TFEB: variants seen among roughly 807,000 people sequenced by gnomAD.
TFEB encodes T-cell transcription factor EB.
Under a neutral mutation model 48.0 loss-of-function variants are expected in TFEB, and 12 were observed. That is an observed-to-expected ratio of 0.25 (90% CI 0.16 to 0.40). The LOEUF (loss-of-function observed/expected upper bound fraction) is 0.40, where lower values mean the gene tolerates loss of function less well. Among genes scored for constraint, TFEB ranks in the 10% least tolerant of loss-of-function variants. The pLI, the probability that TFEB is intolerant of heterozygous loss-of-function variation, is 1.00. For missense variants in TFEB, 509 were observed against 640.3 expected, an observed-to-expected ratio of 0.79 and a Z score of 2.21; for synonymous variants, 244 against 261.4, an observed-to-expected ratio of 0.93 and a Z score of 0.64.
rs1769305966 is a variant in TFEB at position 41,691,348 on chromosome 6, C to T, written c.-22-113G>A. On this transcript the variant is annotated intron_variant, in intron 1 of 8. Transcript: ENST00000373033. The surrounding 1 kb of genome is among the most constrained non-coding windows in gnomAD (Gnocchi z 5.2). ...ACCGCATCCATTTTAGAGGAGAAGA[C>T]ACCGAGCCCTGAGAGGGGAAGAGAT... 6 of 1,096,846 alleles carry T rather than the reference C, an allele frequency of 5.5e-6. No homozygotes were observed. The highest frequency in any genetic ancestry group is 2.0e-5 in the Admixed American group (1 of 50,420). The allele number at this position is 1,096,846 out of a possible 1,614,324, so 67.9% of individuals were successfully genotyped here. A position where few individuals can be genotyped will look rare whatever the true frequency, so the allele number is the denominator to read the frequency against.
At chr6:41,688,279 A>G (rs1484443259) in intron 4 of TFEB, 2 of 457,268 alleles carry the variant, frequency 4.4e-6, no homozygotes, top group Non-Finnish European at 7.8e-6. Flanking sequence ...ATAATATGTG[A>G]TAGGATTAGG....
At chr6:41,707,936 A>G (rs1770312239) in intron 1 of TFEB, among the ~76,000 whole-genome samples, 1 of 152,208 alleles carries the variant, frequency 6.6e-6, no homozygotes. Context: ...AAAAACCACT[A>G]CAATCACAGC....
chr6:41,736,095 G>C, upstream of TFEB: 1 of 1,611,614 alleles, frequency 6.2e-7, no homozygotes, highest in Non-Finnish European at 8.5e-7. Context: ...AAATATGACA[G>C]TAGAAGGCAG....
At chr6:41,686,357 CTGGAGG>C in intron 7 of TFEB, 120 bp from the exon 8 acceptor site, 1 of 1,359,064 alleles carries the variant, frequency 7.4e-7, no homozygotes, top group South Asian at 1.4e-5. Flanking sequence ...AACCCCAGAC[CTGGAGG>C]TGGAGGTGGC....
In TFEB at chr6:41,691,294, G is replaced by A. The variant is rs1769301632; in HGVS notation, c.-22-59C>T. On this transcript the variant is annotated intron_variant, in intron 1 of 8. Transcript: ENST00000373033. This position sits in a 1 kb window ranked among gnomAD's most constrained non-coding sequence, Gnocchi z 5.2. ...CACGTGTCCTCCTCAAAGCACAGGGGCTGGCAGGGGGAGGCCAGAATGACT... is the reference window on the plus strand; with the variant it reads ...CACGTGTCCTCCTCAAAGCACAGGGACTGGCAGGGGGAGGCCAGAATGACT... The A allele has an allele frequency of 1.3e-6, 2 of 1,507,820 alleles. No homozygotes were observed. Among genetic ancestry groups the A allele is most frequent in the Non-Finnish European group, 1.8e-6 (2 of 1,107,982 alleles). 93.4% of individuals were successfully genotyped at this position (1,507,820 alleles called of 1,614,324 possible). A position where few individuals can be genotyped will look rare whatever the true frequency, so the allele number is the denominator to read the frequency against.
chr6:41,709,005 A>C (rs935594944), intron 1 of TFEB, among the ~76,000 whole-genome samples: 2 of 152,242 alleles, frequency 1.3e-5, no homozygotes, highest in Non-Finnish European at 2.9e-5. Context: ...AGAAACCTCC[A>C]TACCGGGGGT....
rs1357790565 is a variant in TFEB, at chr6:41,720,980, G to A, written c.-23+14370C>T. On this transcript the variant is annotated intron_variant, in intron 1 of 8. Transcript: ENST00000373033. This position sits in a 1 kb window ranked among gnomAD's most constrained non-coding sequence, Gnocchi z 4.1. ...CCTGACCCTGCAGCCTTCCACTGACGGCAGCCTCCCACCTTTCCAGGTAGC... is the reference window on the plus strand; with the variant it reads ...CCTGACCCTGCAGCCTTCCACTGACAGCAGCCTCCCACCTTTCCAGGTAGC... Among the ~76,000 whole-genome samples the A allele has an allele frequency of 5.3e-5, 8 of 152,072 alleles. No individual in the cohort carries two copies. The highest frequency in any genetic ancestry group is 3.9e-4 in the Admixed American group (6 of 15,276).
At chr6:41,725,013 A>G (rs1436316731) in intron 1 of TFEB, among the ~76,000 whole-genome samples, 2 of 152,168 alleles carry the variant, frequency 1.3e-5, no homozygotes, top group Non-Finnish European at 2.9e-5. Flanking sequence ...CTGCACATTC[A>G]CCATCTCCCC....
rs569187382 is a variant in TFEB, at chr6:41,712,044, G to A, written c.-22-20809C>T. Among the ~76,000 whole-genome samples, 23 of 152,210 alleles carry A rather than the reference G, an allele frequency of 1.5e-4. 1 individual carries two copies. The highest frequency in any genetic ancestry group is 4.1e-4 in the South Asian group (2 of 4,824). ...CAGTGGGGGTCCAGTCCCCAGCCCC[G>A]GCCATACCTCACCTCAATATTTCTA... On this transcript the variant is annotated intron_variant, in intron 1 of 8. Coordinates refer to ENST00000373033, the MANE Select transcript of TFEB (RefSeq NM_001271944.2).
chr6:41,725,589 A>G (rs976336585), intron 1 of TFEB, among the ~76,000 whole-genome samples: 4 of 151,914 alleles, frequency 2.6e-5, no homozygotes, highest in Non-Finnish European at 5.9e-5. Context: ...CTACATGCCA[A>G]CCCCCTTCCT....
intron 1 of TFEB, among the ~76,000 whole-genome samples, chr6:41,717,506 G>A (rs1053372373): frequency 6.6e-6 from 1 of 152,164 alleles, no homozygotes; most frequent in African/African-American, 2.4e-5. Flanking sequence ...CACAACTGAG[G>A]AGAATGAGGC....
chr6:41,722,053 AT>A (rs982449074), intron 1 of TFEB, among the ~76,000 whole-genome samples: 3 of 152,158 alleles, frequency 2.0e-5, no homozygotes, highest in African/African-American at 7.2e-5. Flanking sequence ...ATGTAGGCTC[AT>A]TGAACCCCTT....
At chr6:41,721,791 A>G (rs1297184102) in intron 1 of TFEB, among the ~76,000 whole-genome samples, 1 of 152,208 alleles carries the variant, frequency 6.6e-6, no homozygotes, top group Non-Finnish European at 1.5e-5. Context: ...CTGAGGCCAA[A>G]CAGTAACTGG....
Position 41,691,503 on chromosome 6 carries a change from A to T in TFEB, c.-22-268T>A. On this transcript the variant is annotated intron_variant, in intron 1 of 8. Transcript: ENST00000373033. The surrounding 1 kb of genome is among the most constrained non-coding windows in gnomAD (Gnocchi z 5.2). ...TGGTAAATCCCAAACTCTAAGAGTC[A>T]ACTTCCACTCCTCTCTGTGTCACGC... The T allele has an allele frequency of 1.5e-6, 1 of 657,552 alleles. No homozygotes were observed. The highest frequency in any genetic ancestry group is 2.8e-5 in the East Asian group (1 of 35,618). The allele number at this position is 657,552 out of a possible 1,614,324, so 40.7% of individuals were successfully genotyped here.
chr6:41,698,834 C>G (rs1438338714), intron 1 of TFEB, among the ~76,000 whole-genome samples: 1 of 152,182 alleles, frequency 6.6e-6, no homozygotes, highest in African/African-American at 2.4e-5. Flanking sequence ...TTTTTCTCAG[C>G]CCCCTCTGGC....
At chr6:41,726,065 C>T (rs927677567) in intron 1 of TFEB, among the ~76,000 whole-genome samples, 4 of 152,052 alleles carry the variant, frequency 2.6e-5, no homozygotes, top group Admixed American at 1.3e-4. Flanking sequence ...GCTGAGATCG[C>T]GCCACTGCAC....
intron 1 of TFEB, among the ~76,000 whole-genome samples, chr6:41,716,956 C>T (rs539431434): frequency 4.5e-4 from 69 of 152,282 alleles, no homozygotes; most frequent in Non-Finnish European, 6.9e-4. Flanking sequence ...GTGCACCCTA[C>T]ATCACAAGCC....
At chr6:41,713,812 C>T (rs1356367805) in intron 1 of TFEB, among the ~76,000 whole-genome samples, 1 of 152,218 alleles carries the variant, frequency 6.6e-6, no homozygotes, top group Non-Finnish European at 1.5e-5. Context: ...CCCTCACGCC[C>T]AGTCATAACG....
chr6:41,710,043 C>T (rs1260902780), intron 1 of TFEB, among the ~76,000 whole-genome samples: 2 of 152,184 alleles, frequency 1.3e-5, no homozygotes, highest in African/African-American at 4.8e-5. Context: ...CCTGCCTCAG[C>T]CTCCCAAAGT....
Sources: allele counts gnomAD v4.1 joint callset (sites outside exome capture counted in the v4.1 genomes callset), GRCh38; gene constraint gnomAD v4.1.1; non-coding constraint Gnocchi (gnomAD v3.1); transcripts MANE v1.5; gene names NCBI Gene and HGNC (gene_info 2026-07-23, HGNC 2026-07-21).